Variants in ARHGAP28 observed in about 807,000 individuals in gnomAD.
ARHGAP28 encodes the protein rho GTPase-activating protein 28.
Under a neutral mutation model 90.7 loss-of-function variants are expected in ARHGAP28, and 56 were observed. That is an observed-to-expected ratio of 0.62 (90% CI 0.50 to 0.77). The LOEUF is 0.77. ARHGAP28 is among the 30% of genes least tolerant of loss of function. The probability of loss-of-function intolerance (pLI) is 0.00; values close to 1 mark genes in which losing one functional copy is unlikely to be tolerated. For synonymous variants in ARHGAP28, 308 were observed against 323.3 expected (o/e 0.95, Z 0.51); for missense variants, 869 against 900.9 (o/e 0.96, Z 0.45).
Position 6,739,519 on chromosome 18 carries a change from A to G in ARHGAP28, c.122+9576A>G, listed in dbSNP as rs76123560. Among the ~76,000 whole-genome samples, 1,182 of 150,810 alleles carry G rather than the reference A, an allele frequency of 7.8e-3. 51 individuals are homozygous for G. The East Asian group carries it at 0.11, about 14-fold the overall frequency. ...CTGAAATATATTTCATATATATATTAAGAATATATATATAAACATATATTC... is the reference window on the plus strand; with the variant it reads ...CTGAAATATATTTCATATATATATTGAGAATATATATATAAACATATATTC... On this transcript the variant is annotated intron_variant, in intron 1 of 17. Transcript: ENST00000383472.
chr18:6,781,990 G>A (rs1053282767), intron 1 of ARHGAP28, among the ~76,000 whole-genome samples: 1 of 152,160 alleles, frequency 6.6e-6, no homozygotes. Flanking sequence ...TGGGGACAGG[G>A]CAGTGGAGAG....
chr18:6,892,666 A>G (rs916615840), intron 14 of ARHGAP28, among the ~76,000 whole-genome samples: 2 of 151,866 alleles, frequency 1.3e-5, no homozygotes, highest in Non-Finnish European at 2.9e-5. Context: ...TCTTGTACCT[A>G]TTGTTTGTTT....
Position 6,912,358 on chromosome 18 carries a change from T to C in ARHGAP28, c.*204T>C. The stretch of plus-strand genomic sequence containing the variant: ...ACTGAAGCTTTCTCATGACTTTTTT[T>C]TTTATAAAAGTAAAGGAAAGATGAT... On this transcript the variant is annotated 3_prime_UTR_variant, in exon 18 of 18. Coordinates refer to ENST00000383472, the MANE Select transcript of ARHGAP28 (RefSeq NM_001366230.1). 6 of 358,682 alleles carry C rather than the reference T, an allele frequency of 1.7e-5. No homozygotes were observed. The highest frequency in any genetic ancestry group is 3.0e-5 in the Non-Finnish European group (6 of 197,184). 22.2% of individuals were successfully genotyped at this position (358,682 alleles called of 1,614,324 possible).
intron 1 of ARHGAP28, among the ~76,000 whole-genome samples, chr18:6,823,847 A>G (rs1600217395): frequency 6.6e-6 from 1 of 152,104 alleles, no homozygotes; most frequent in Non-Finnish European, 1.5e-5. Flanking sequence ...TTCCAGGTCA[A>G]GTGATTCTCC....
intron 2 of ARHGAP28, among the ~76,000 whole-genome samples, chr18:6,825,179 G>T (rs969148088): frequency 6.6e-6 from 1 of 152,138 alleles, no homozygotes. Flanking sequence ...AGGAGGGCTG[G>T]ACCTCAACAA....
chr18:6,841,208 C>CTCTCCTCTCTCTCTCTCCTCT (rs1555631529), intron 3 of ARHGAP28, among the ~76,000 whole-genome samples: 1 of 43,136 alleles, frequency 2.3e-5, no homozygotes, highest in Admixed American at 2.9e-4. Context: ...TCTCTCCTCT[C>CTCTCCTCTCTCTCTCTCCTCT]CTCTCTCTCT....
In ARHGAP28 at chr18:6,880,154, T is replaced by C. The variant is rs57740530; in HGVS notation, c.1291-1983T>C. On this transcript the variant is annotated intron_variant, in intron 10 of 17. Coordinates refer to ENST00000383472, the MANE Select transcript of ARHGAP28 (RefSeq NM_001366230.1). ...TGGGAAATGCTTACTCCTCCTCCTG[T>C]GTTTTTCCTGTTAACAACACTGCCA... 3.6e-3 allele frequency among the ~76,000 whole-genome samples: 545 copies of C among 152,288 alleles called. 5 individuals carry two copies. Among genetic ancestry groups the C allele is most frequent in the African/African-American group, 0.012 (508 of 41,558 alleles).
At chr18:6,781,495 A>G (rs1030125633) in intron 1 of ARHGAP28, among the ~76,000 whole-genome samples, 2 of 152,138 alleles carry the variant, frequency 1.3e-5, no homozygotes, top group Non-Finnish European at 2.9e-5. Flanking sequence ...CAGGCTGTGC[A>G]GGGAACTCCT....
chr18:6,858,263 G>A (rs1172934890), intron 4 of ARHGAP28, among the ~76,000 whole-genome samples: 1 of 151,720 alleles, frequency 6.6e-6, no homozygotes, highest in African/African-American at 2.4e-5. Flanking sequence ...ATTTGTCTGC[G>A]GCCCTTTCTT....
chr18:6,817,336 A>C (rs569431028), intron 1 of ARHGAP28, among the ~76,000 whole-genome samples: 33 of 146,784 alleles, frequency 2.2e-4, no homozygotes, highest in African/African-American at 4.6e-4. Flanking sequence ...AACAAACAAA[A>C]AAAAAACAAA....
chr18:6,872,664 A>C (rs1337565913), intron 7 of ARHGAP28, among the ~76,000 whole-genome samples: 4 of 152,102 alleles, frequency 2.6e-5, no homozygotes, highest in African/African-American at 9.7e-5. Flanking sequence ...TTTGCTTCTA[A>C]AAGGTCTTGC....
Position 6,890,411 on chromosome 18 carries a change from A to G in ARHGAP28, c.1735-19A>G, listed in dbSNP as rs1449107882. ...ATTCAAGTGTTTTCCATCCAGTCCA[A>G]GCTATTTTTCTTCTCCAGGTTCCAT... On this transcript the variant is annotated intron_variant, in intron 13 of 17. Transcript: ENST00000383472. The G allele has an allele frequency of 6.6e-7, 1 of 1,516,526 alleles. No individual in the cohort carries two copies. The highest frequency in any genetic ancestry group is 2.3e-5 in the East Asian group (1 of 44,372). 93.9% of individuals were successfully genotyped at this position (1,516,526 alleles called of 1,614,324 possible).
chr18:6,871,057 C>T (rs2057084108), intron 7 of ARHGAP28, among the ~76,000 whole-genome samples: 1 of 152,330 alleles, frequency 6.6e-6, no homozygotes, highest in East Asian at 1.9e-4. Context: ...GCCTCGGCCT[C>T]TCAAAGTGCT....
intron 4 of ARHGAP28, among the ~76,000 whole-genome samples, chr18:6,854,297 C>T (rs1411930173): frequency 1.3e-5 from 2 of 151,892 alleles, no homozygotes; most frequent in Non-Finnish European, 2.9e-5. Context: ...ATAAACTTCT[C>T]TAGGTTTTTG....
chr18:6,845,199 C>T (rs2056856990), intron 3 of ARHGAP28, among the ~76,000 whole-genome samples: 2 of 152,144 alleles, frequency 1.3e-5, no homozygotes, highest in South Asian at 4.1e-4. Context: ...CCACCTCAGC[C>T]ACCCTGGTAG....
chr18:6,817,628 ATT>A (rs1245982239), intron 1 of ARHGAP28, among the ~76,000 whole-genome samples: 1 of 152,208 alleles, frequency 6.6e-6, no homozygotes, highest in Non-Finnish European at 1.5e-5. Context: ...ATCTGGTGTT[ATT>A]TCTAAAACTC....
At chr18:6,778,441 T>C (rs2056300924) in intron 1 of ARHGAP28, among the ~76,000 whole-genome samples, 1 of 152,180 alleles carries the variant, frequency 6.6e-6, no homozygotes, top group Non-Finnish European at 1.5e-5. Flanking sequence ...TTTTTAGCAA[T>C]GGTCACTGCA....
At chr18:6,790,253 C>G (rs2056397682) in intron 1 of ARHGAP28, 1 of 152,176 alleles carries the variant, frequency 6.6e-6, no homozygotes, top group Non-Finnish European at 1.5e-5. Flanking sequence ...CTTAAGTACA[C>G]TTAATGATTT....
At chr18:6,729,998 C>A in intron 1 of ARHGAP28, 55 bp downstream of exon 1, 2 of 1,293,142 alleles carry the variant, frequency 1.5e-6, no homozygotes, top group Non-Finnish European at 2.0e-6. Context: ...TTGGGGGGTT[C>A]GCCGTGCAGC....
Sources: allele counts gnomAD v4.1 joint callset (sites outside exome capture counted in the v4.1 genomes callset), GRCh38; gene constraint gnomAD v4.1.1; transcripts MANE v1.5; gene names NCBI Gene and HGNC (gene_info 2026-07-23, HGNC 2026-07-21).